The following PDE5A variants were observed in gnomAD, a reference collection of about 807,000 sequenced individuals.
PDE5A encodes cGMP-specific 3',5'-cyclic phosphodiesterase.
In PDE5A, 67 loss-of-function variants were observed where a neutral mutation model predicts 110.2. The ratio of observed to expected loss-of-function variants is 0.61; its 90% CI spans 0.50 to 0.75. PDE5A has a LOEUF of 0.75. PDE5A is among the 30% of genes least tolerant of loss of function. PDE5A has a pLI of 0.00. For synonymous variants in PDE5A, 328 were observed against 351.2 expected, an observed-to-expected ratio of 0.93 and a Z score of 0.74; for missense variants, 862 against 1,045.1, an observed-to-expected ratio of 0.82 and a Z score of 2.42.
At chr4:119,551,684 T>G (rs2306457) in intron 9 of PDE5A, among the ~76,000 whole-genome samples, 9 of 131,056 alleles carry the variant, frequency 6.9e-5, no homozygotes, top group South Asian at 2.9e-4. Context: ...TATCTGTCTT[T>G]TCTTTTTCTA....
At position 119,506,506 on chromosome 4, in the gene PDE5A, C is replaced by T. The variant is rs114798086; in HGVS notation, c.2190-574G>A. 8.0e-3 allele frequency among the ~76,000 whole-genome samples: 1,211 copies of T among 151,662 alleles called. 20 individuals are homozygous for T. The highest frequency in any genetic ancestry group is 0.027 in the African/African-American group (1,139 of 41,434). ...GGCATAAGACAAAAATTTTTCTTTT[C>T]GCAGTGTTTAATATCTACCTGGAGA... On this transcript the variant is annotated intron_variant, in intron 16 of 20. Coordinates refer to ENST00000354960, the MANE Select transcript of PDE5A (RefSeq NM_001083.4).
chr4:119,562,708 T>C (rs1311505598), intron 6 of PDE5A, 125 bp downstream of exon 6: 2 of 669,422 alleles, frequency 3.0e-6, no homozygotes, highest in Non-Finnish European at 4.8e-6. Context: ...TAGTTTTATA[T>C]ACATATTCAT....
At chr4:119,540,555 A>G (rs1342093289) in intron 10 of PDE5A, among the ~76,000 whole-genome samples, 1 of 152,200 alleles carries the variant, frequency 6.6e-6, no homozygotes, top group African/African-American at 2.4e-5. Context: ...AGTGCAGTGC[A>G]ACATGGATAC....
In PDE5A at chr4:119,501,680, GAAAAA is replaced by G. The variant is rs372131149; in HGVS notation, c.2407-432_2407-428del. Reference sequence around the variant, plus strand: ...GGTCAGACAGCAACTAATACAAAAAGAAAAAAAGAGGAAAACTCTTATGTTTTATT... The same window carrying G: ...GGTCAGACAGCAACTAATACAAAAAGAAGAGGAAAACTCTTATGTTTTATT... On this transcript the variant is annotated intron_variant, in intron 19 of 20. Coordinates refer to ENST00000354960, the MANE Select transcript of PDE5A (RefSeq NM_001083.4). Among the ~76,000 whole-genome samples the G allele has an allele frequency of 5.3e-3, 812 of 151,856 alleles. 12 individuals carry two copies. Among genetic ancestry groups the G allele is most frequent in the African/African-American group, 0.019 (782 of 41,496 alleles).
At chr4:119,601,429 G>A (rs1056376018) in intron 2 of PDE5A, among the ~76,000 whole-genome samples, 4 of 152,084 alleles carry the variant, frequency 2.6e-5, no homozygotes, top group African/African-American at 9.7e-5. Context: ...AGGCATAGAA[G>A]CTCTGCACAC....
chr4:119,497,724 A>G lies in PDE5A; in HGVS notation c.*877T>C, dbSNP rs199917313. 3 of 152,178 alleles carry G rather than the reference A, an allele frequency of 2.0e-5. No homozygotes were observed. Among genetic ancestry groups the G allele is most frequent in the African/African-American group, 7.2e-5 (3 of 41,466 alleles). The allele number at this position is 152,178 out of a possible 1,614,324, so 9.4% of individuals were successfully genotyped here. A position where few individuals can be genotyped will look rare whatever the true frequency, so the allele number is the denominator to read the frequency against. ...TGTCTCACTTCAAGTCAATGCTACA[A>G]TTGTCACTTTTATTTTGAAAAGGAA... On this transcript the variant is annotated 3_prime_UTR_variant, in exon 21 of 21. Coordinates refer to ENST00000354960, the MANE Select transcript of PDE5A (RefSeq NM_001083.4).
chr4:119,611,675 T>G (rs1209794187), intron 1 of PDE5A, among the ~76,000 whole-genome samples: 2 of 152,228 alleles, frequency 1.3e-5, no homozygotes, highest in African/African-American at 4.8e-5. Flanking sequence ...TTAGAGACAT[T>G]AACTCAATAT....
At chr4:119,599,710 TATAC>T (rs1729271905) in intron 2 of PDE5A, among the ~76,000 whole-genome samples, 1 of 71,642 alleles carries the variant, frequency 1.4e-5, no homozygotes, top group Non-Finnish European at 2.8e-5. Context: ...ATCAAGTGTG[TATAC>T]ACACACACAC....
At chr4:119,568,252 C>T (rs1306585763) in intron 3 of PDE5A, among the ~76,000 whole-genome samples, 1 of 151,940 alleles carries the variant, frequency 6.6e-6, no homozygotes, top group Admixed American at 6.6e-5. Context: ...CTTATTTTTA[C>T]ATGCTCTTTA....
chr4:119,574,708 T>A (rs1728270417), intron 3 of PDE5A, among the ~76,000 whole-genome samples: 1 of 152,094 alleles, frequency 6.6e-6, no homozygotes, highest in Non-Finnish European at 1.5e-5. Context: ...ATAAGTCTCG[T>A]AACAAGTTTT....
At chr4:119,504,974 A>G (rs550705787) in intron 17 of PDE5A, among the ~76,000 whole-genome samples, 1 of 152,188 alleles carries the variant, frequency 6.6e-6, no homozygotes, top group South Asian at 2.1e-4. Flanking sequence ...CCATTAAAGT[A>G]CAACATCAGG....
At chr4:119,588,106 T>G (rs559459231) in intron 3 of PDE5A, among the ~76,000 whole-genome samples, 6 of 152,344 alleles carry the variant, frequency 3.9e-5, no homozygotes, top group Non-Finnish European at 8.8e-5. Flanking sequence ...CATTTAACAT[T>G]TATCTTGTCA....
chr4:119,525,109 A>G lies in PDE5A; in HGVS notation c.1779+440T>C, dbSNP rs1025739358. Among the ~76,000 whole-genome samples, 1 of 151,978 alleles carries G rather than the reference A, an allele frequency of 6.6e-6. No homozygotes were observed. The highest frequency in any genetic ancestry group is 1.5e-5 in the Non-Finnish European group (1 of 68,010). On this transcript the variant is annotated intron_variant, in intron 12 of 20. Coordinates refer to ENST00000354960, the MANE Select transcript of PDE5A (RefSeq NM_001083.4). The surrounding 1 kb of genome is among the most constrained non-coding windows in gnomAD (Gnocchi z 4.3). ...ATAACCATTGCAGTGAGATCATGCT[A>G]CTTCTCTGCATAAAATTCCTGTGAC...
At chr4:119,545,050 C>T (rs1727084639) in intron 9 of PDE5A, among the ~76,000 whole-genome samples, 2 of 152,076 alleles carry the variant, frequency 1.3e-5, no homozygotes, top group African/African-American at 2.4e-5. Context: ...AAAATGGGTA[C>T]TGAAGACAAA....
intron 11 of PDE5A, among the ~76,000 whole-genome samples, chr4:119,537,588 C>G (rs1726772720): frequency 6.6e-6 from 1 of 152,016 alleles, no homozygotes. Context: ...CACAGGAGTT[C>G]TGTTCTCAGT....
chr4:119,578,232 G>T (rs1728443057), intron 3 of PDE5A, among the ~76,000 whole-genome samples: 1 of 152,138 alleles, frequency 6.6e-6, no homozygotes, highest in South Asian at 2.1e-4. Context: ...TGGGTAGGAA[G>T]AATCAGTATC....
intron 16 of PDE5A, 66 bp downstream of exon 16, chr4:119,507,538 G>C: frequency 1.9e-6 from 2 of 1,072,436 alleles, no homozygotes; most frequent in Non-Finnish European, 2.8e-6. Flanking sequence ...CAATATGGAT[G>C]TCAAAAGTTT....
At chr4:119,548,701 T>C (rs889756757) in intron 9 of PDE5A, 2 of 152,220 alleles carry the variant, frequency 1.3e-5, no homozygotes, top group African/African-American at 4.8e-5. Context: ...AAATCTGTAA[T>C]CTTTACATTG....
chr4:119,549,699 G>T (rs559325358), intron 9 of PDE5A: 19 of 152,204 alleles, frequency 1.2e-4, no homozygotes, highest in African/African-American at 3.9e-4. Context: ...AGCATAATAA[G>T]CAGGGAAAAT....
Sources: gnomAD v4.1 joint callset for allele counts (sites outside exome capture counted in the v4.1 genomes callset) on GRCh38, gnomAD v4.1.1 for gene constraint, Gnocchi (gnomAD v3.1) non-coding constraint, MANE v1.5 for transcripts, NCBI Gene and HGNC (gene_info 2026-07-23, HGNC 2026-07-21) for gene names.